The following PTPMT1 variants were observed in gnomAD, a reference collection of about 807,000 sequenced individuals.
PTPMT1 encodes the protein protein tyrosine phosphatase mitochondrial 1.
Under a neutral mutation model 17.8 loss-of-function variants are expected in PTPMT1, and 12 were observed. The observed-to-expected ratio is 0.67, with a 90% confidence interval of 0.43 to 1.09. The LOEUF is 1.09. PTPMT1 is among the 50% of genes least tolerant of loss of function. The probability of loss-of-function intolerance (pLI) is 0.00; values close to 1 mark genes in which losing one functional copy is unlikely to be tolerated. For missense variants in PTPMT1, 262 were observed against 266.0 expected (o/e 0.99, Z 0.10); for synonymous variants, 132 against 116.8 (o/e 1.13, Z -0.84).
In PTPMT1 at chr11:47,565,779, C is replaced by T; in HGVS notation, c.157C>T (p.Arg53Trp). ...PTVLLGALPL[R>W]SLTRQLVQDE... is the part of the protein sequence containing the mutation. ...CGTGCTGCTGGGCGCGCTGCCGTTG[C>T]GGAGCTTGACGCGCCAGGTGAGCCG... The change falls in exon 1 of 4, where the codon CGG becomes TGG. Residue 53 changes from arginine to tryptophan, a missense_variant. Transcript: ENST00000326674. The T allele has an allele frequency of 6.3e-7, 1 of 1,592,158 alleles. No individual in the cohort carries two copies. Among genetic ancestry groups the T allele is most frequent in the Non-Finnish European group, 8.5e-7 (1 of 1,170,628 alleles).
chr11:47,572,899 A>C lies in PTPMT1; in HGVS notation c.*1270A>C, dbSNP rs748470604. 44 of 1,588,110 alleles carry C rather than the reference A, an allele frequency of 2.8e-5. No individual in the cohort carries two copies. Among genetic ancestry groups the C allele is most frequent in the Non-Finnish European group, 3.7e-5 (43 of 1,165,012 alleles). On this transcript the variant is annotated 3_prime_UTR_variant, in exon 4 of 4. Coordinates refer to ENST00000326674, the MANE Select transcript of PTPMT1 (RefSeq NM_175732.3). ...TGAGTTTGTATGGGGAGGGAAAAGG[A>C]GTGAGCAGTTCTCCTCCCCTCCCCA...
In PTPMT1 at chr11:47,573,335, C is replaced by A. The variant is rs141320690; in HGVS notation, c.*1706C>A. On this transcript the variant is annotated 3_prime_UTR_variant, in exon 4 of 4. Coordinates refer to ENST00000326674, the MANE Select transcript of PTPMT1 (RefSeq NM_175732.3). This position sits in a 1 kb window ranked among gnomAD's most constrained non-coding sequence, Gnocchi z 4.1. ...AGAAGTCCAGATCATTCTCCTCCCC[C>A]CCTAGTAAGTAGATGATCCCGTTGA... 1.2e-4 allele frequency: 189 copies of A among 1,614,220 alleles called. 2 individuals are homozygous for A. The South Asian group carries it at 1.6e-3, about 14-fold the overall frequency.
Position 47,565,735 on chromosome 11 carries a change from A to G in PTPMT1, c.113A>G (p.Tyr38Cys). 1 of 1,590,274 alleles carries G rather than the reference A, an allele frequency of 6.3e-7. No individual in the cohort carries two copies. Among genetic ancestry groups the G allele is most frequent in the Non-Finnish European group, 8.5e-7 (1 of 1,170,602 alleles). Residue 38 changes from tyrosine (Y) to cysteine (C), a missense_variant, in exon 1 of 4, where the codon TAC becomes TGC. Tyr to Cys is a radical substitution (Grantham distance 194, BLOSUM62 -2). Coordinates refer to ENST00000326674, the MANE Select transcript of PTPMT1 (RefSeq NM_175732.3). ...KVPGRAHRDW[Y>C]HRIDPTVLLG... ...CCGGGTCGGGCGCACCGGGACTGGT[A>G]CCACCGCATCGACCCCACCGTGCTG...
chr11:47,573,430 CGCGATAATAAATGACTGCGTT>C lies in PTPMT1; in HGVS notation c.*1803_*1823del. ...GTCTCTGTCCACACATTATCACCTA[CGCGATAATAAATGACTGCGTT>C]GGAGAGGGTATCTTGCAGTGTCTTG... is the stretch of plus-strand genomic sequence containing the variant. On this transcript the variant is annotated 3_prime_UTR_variant, in exon 4 of 4. Transcript: ENST00000326674. The surrounding 1 kb of genome is among the most constrained non-coding windows in gnomAD (Gnocchi z 4.1). 3 of 1,614,202 alleles carry C rather than the reference CGCGATAATAAATGACTGCGTT, an allele frequency of 1.9e-6. No individual in the cohort carries two copies. The highest frequency in any genetic ancestry group is 2.5e-6 in the Non-Finnish European group (3 of 1,180,044).
chr11:47,565,884 A>C, intron 1 of PTPMT1, 22 bp from the exon 2 acceptor site: 1 of 1,612,292 alleles, frequency 6.2e-7, no homozygotes, highest in African/African-American at 1.3e-5. Context: ...GTCTTTGCTG[A>C]GCCACCTCTT....
In PTPMT1 at chr11:47,571,825, G is replaced by T. The variant is rs1317775708; in HGVS notation, c.*196G>T. On this transcript the variant is annotated 3_prime_UTR_variant, in exon 4 of 4. Coordinates refer to ENST00000326674, the MANE Select transcript of PTPMT1 (RefSeq NM_175732.3). The stretch of plus-strand genomic sequence containing the variant: ...GTGTGGCTAGAAAGGAAAAGATTTA[G>T]TGTGGCTTGTATTCATGGGATACAG... The T allele has an allele frequency of 3.5e-6, 2 of 574,250 alleles. No individual in the cohort carries two copies. Among genetic ancestry groups the T allele is most frequent in the Non-Finnish European group, 6.2e-6 (2 of 324,988 alleles). 35.6% of individuals were successfully genotyped at this position (574,250 alleles called of 1,614,324 possible).
At chr11:47,570,555 C>T (rs2097249050) in intron 3 of PTPMT1, among the ~76,000 whole-genome samples, 1 of 152,160 alleles carries the variant, frequency 6.6e-6, no homozygotes, top group African/African-American at 2.4e-5. Context: ...GTTCTAATAC[C>T]ATGTCAGGAA....
chr11:47,566,100 G>A (rs2153792754), intron 2 of PTPMT1, 114 bp downstream of exon 2: 1 of 1,206,516 alleles, frequency 8.3e-7, no homozygotes. Context: ...GGAGCCAGGT[G>A]TCTCAAGCTG....
intron 2 of PTPMT1, among the ~76,000 whole-genome samples, chr11:47,569,442 C>T (rs1182023098): frequency 6.7e-6 from 1 of 149,862 alleles, no homozygotes; most frequent in Non-Finnish European, 1.5e-5. Context: ...AATTCTAACT[C>T]AGCAGCATAG....
intron 2 of PTPMT1, among the ~76,000 whole-genome samples, chr11:47,568,537 C>T (rs564217047): frequency 6.6e-6 from 1 of 151,952 alleles, no homozygotes; most frequent in South Asian, 2.1e-4. Flanking sequence ...ACAAAATTAG[C>T]CAGGCACAGT....
Position 47,573,447 on chromosome 11 carries a change from G to A in PTPMT1, c.*1818G>A, listed in dbSNP as rs767471949. 6.2e-7 allele frequency: 1 copy of A among 1,614,198 alleles called. No individual in the cohort carries two copies. Among genetic ancestry groups the A allele is most frequent in the East Asian group, 2.2e-5 (1 of 44,884 alleles). ...ATCACCTACGCGATAATAAATGACT[G>A]CGTTGGAGAGGGTATCTTGCAGTGT... On this transcript the variant is annotated 3_prime_UTR_variant, in exon 4 of 4. Transcript: ENST00000326674. The surrounding 1 kb of genome is among the most constrained non-coding windows in gnomAD (Gnocchi z 4.1).
At chr11:47,568,551 A>G (rs2097247625) in intron 2 of PTPMT1, among the ~76,000 whole-genome samples, 1 of 152,024 alleles carries the variant, frequency 6.6e-6, no homozygotes, top group African/African-American at 2.4e-5. Context: ...GCACAGTGGC[A>G]TGCAGCTGTA....
chr11:47,569,249 G>A lies in PTPMT1; in HGVS notation c.256-451G>A, dbSNP rs1308116998. Reference sequence around the variant, plus strand: ...AAAAATGCAAAAATTAGCCAGGCTTGGTGGCGCGTGCCTGTAGTCCCAGCT... The same window carrying A: ...AAAAATGCAAAAATTAGCCAGGCTTAGTGGCGCGTGCCTGTAGTCCCAGCT... On this transcript the variant is annotated intron_variant, in intron 2 of 3. Coordinates refer to ENST00000326674, the MANE Select transcript of PTPMT1 (RefSeq NM_175732.3). Among the ~76,000 whole-genome samples the A allele has an allele frequency of 2.0e-5, 3 of 152,018 alleles. No individual in the cohort carries two copies. The East Asian group carries it at 5.9e-4, about 30-fold the overall frequency.
rs1285548748 is a variant in PTPMT1 at position 47,571,851 on chromosome 11, G to A, written c.*222G>A. The A allele has an allele frequency of 2.0e-6, 1 of 500,946 alleles. No individual in the cohort carries two copies. Among genetic ancestry groups the A allele is most frequent in the African/African-American group, 2.0e-5 (1 of 51,228 alleles). The allele number at this position is 500,946 out of a possible 1,614,324, so 31.0% of individuals were successfully genotyped here. On this transcript the variant is annotated 3_prime_UTR_variant, in exon 4 of 4. Coordinates refer to ENST00000326674, the MANE Select transcript of PTPMT1 (RefSeq NM_175732.3). The stretch of plus-strand genomic sequence containing the variant: ...TGTGGCTTGTATTCATGGGATACAG[G>A]ACAGGGATGGGGCTATCATCTTTTC...
intron 2 of PTPMT1, among the ~76,000 whole-genome samples, chr11:47,569,386 TAAAAAAAAAAAA>T (rs55868744): frequency 8.9e-6 from 1 of 112,778 alleles, no homozygotes; most frequent in African/African-American, 3.4e-5. Flanking sequence ...ACTCTGTCTT[TAAAAAAAAAAAA>T]AAAAAAAAAA....
rs1008797419 is a variant in PTPMT1 at position 47,565,711 on chromosome 11, C to T, written c.89C>T (p.Pro30Leu). 7.0e-6 allele frequency: 11 copies of T among 1,573,502 alleles called. No homozygotes were observed. Among genetic ancestry groups the T allele is most frequent in the Non-Finnish European group, 9.5e-6 (11 of 1,163,364 alleles). Reference protein sequence around the residue: ...LLYTLFRGKVPGRAHRDWYHR... With the variant: ...LLYTLFRGKVLGRAHRDWYHR... ...TACACCCTGTTCCGCGGGAAGGTGC[C>T]GGGTCGGGCGCACCGGGACTGGTAC... Residue 30 changes from proline to leucine, a missense_variant, in exon 1 of 4, where the codon CCG (proline) becomes CTG (leucine). Coordinates refer to ENST00000326674, the MANE Select transcript of PTPMT1 (RefSeq NM_175732.3).
At chr11:47,566,124 C>G (rs1243878194) in intron 2 of PTPMT1, 138 bp downstream of exon 2, 3 of 956,444 alleles carry the variant, frequency 3.1e-6, no homozygotes. Flanking sequence ...TGCCTCCGGT[C>G]TGTGCCTCTA....
intron 2 of PTPMT1, 46 bp downstream of exon 2, chr11:47,566,032 C>A (rs1169022889): frequency 6.6e-7 from 1 of 1,505,658 alleles, no homozygotes; most frequent in Non-Finnish European, 8.9e-7. Context: ...CGCTCCCCCT[C>A]GCCCACCGCC....
chr11:47,565,744 T>A lies in PTPMT1; in HGVS notation c.122T>A (p.Ile41Asn). ...GCGCACCGGGACTGGTACCACCGCA[T>A]CGACCCCACCGTGCTGCTGGGCGCG... is the stretch of plus-strand genomic sequence containing the variant. ...GRAHRDWYHR[I>N]DPTVLLGALP... Residue 41 changes from isoleucine to asparagine, a missense_variant, in exon 1 of 4, where the codon ATC becomes AAC. By Grantham distance (149) the Ile-to-Asn change is moderately radical (BLOSUM62 -3). Transcript: ENST00000326674. The A allele has an allele frequency of 6.3e-7, 1 of 1,593,382 alleles. No individual in the cohort carries two copies.
Sources: gnomAD v4.1 joint callset for allele counts (sites outside exome capture counted in the v4.1 genomes callset) on GRCh38, gnomAD v4.1.1 for gene constraint, Gnocchi (gnomAD v3.1) non-coding constraint, MANE v1.5 for transcripts, NCBI Gene and HGNC (gene_info 2026-07-23, HGNC 2026-07-21) for gene names.